The following MARCHF1 variants were observed in gnomAD, a reference collection of about 807,000 sequenced individuals.
MARCHF1 encodes membrane associated ring-CH-type finger 1, also known as E3 ubiquitin-protein ligase MARCHF1.
MARCHF1 carries 40 observed loss-of-function variants against 54.2 expected under a neutral mutation model. The ratio of observed to expected loss-of-function variants is 0.74; its 90% confidence interval spans 0.57 to 0.96. The LOEUF is 0.96. Ranked by LOEUF, MARCHF1 falls within the 40% of genes least tolerant of loss-of-function variation. The probability of loss-of-function intolerance (pLI) is 0.00; values close to 1 mark genes in which losing one functional copy is unlikely to be tolerated. For synonymous variants in MARCHF1, 236 were observed against 236.3 expected (o/e 1.00, Z 0.01); for missense variants, 586 against 656.5 (o/e 0.89, Z 1.17).
At chr4:164,371,308 A>G (rs1435199110) in intron 1 of MARCHF1, among the ~76,000 whole-genome samples, 1 of 152,206 alleles carries the variant, frequency 6.6e-6, no homozygotes, top group African/African-American at 2.4e-5. Context: ...GCTTTAGTAG[A>G]AAACTGAGTG....
intron 1 of MARCHF1, among the ~76,000 whole-genome samples, chr4:164,296,432 G>A (rs1035452080): frequency 2.0e-5 from 3 of 152,174 alleles, no homozygotes; most frequent in African/African-American, 7.2e-5. Context: ...GAGTGCAGTG[G>A]CATGATCTTG....
At chr4:164,046,530 ATC>A (rs1185679623) in intron 2 of MARCHF1, among the ~76,000 whole-genome samples, 2 of 152,208 alleles carry the variant, frequency 1.3e-5, no homozygotes, top group Admixed American at 6.5e-5. Flanking sequence ...TGTAATAATC[ATC>A]TGTTTTACTA....
At chr4:164,022,039 C>T (rs1753677641) in intron 2 of MARCHF1, among the ~76,000 whole-genome samples, 1 of 151,760 alleles carries the variant, frequency 6.6e-6, no homozygotes, top group South Asian at 2.1e-4. Context: ...TCCAGTTATT[C>T]CCTCCTATTC....
At chr4:164,072,436 C>G (rs1754887055) in intron 2 of MARCHF1, among the ~76,000 whole-genome samples, 1 of 152,040 alleles carries the variant, frequency 6.6e-6, no homozygotes, top group Non-Finnish European at 1.5e-5. Flanking sequence ...TGGTGTGTGT[C>G]TGCGGTCCCA....
intron 2 of MARCHF1, among the ~76,000 whole-genome samples, chr4:164,021,611 G>T (rs1385605382): frequency 1.3e-5 from 2 of 151,912 alleles, no homozygotes; most frequent in African/African-American, 2.4e-5. Context: ...TCTTATAGAA[G>T]TTTTATCATT....
At chr4:163,558,585 G>A (rs1041967921) in intron 8 of MARCHF1, among the ~76,000 whole-genome samples, 2 of 152,200 alleles carry the variant, frequency 1.3e-5, no homozygotes, top group African/African-American at 2.4e-5. Flanking sequence ...GGGACAGCCC[G>A]TATAGAGAGA....
chr4:164,301,008 A>T (rs1235025061), intron 1 of MARCHF1, among the ~76,000 whole-genome samples: 2 of 35,786 alleles, frequency 5.6e-5, no homozygotes, highest in Admixed American at 3.0e-4. Flanking sequence ...ACAAACACAC[A>T]GCATGTTTAG....
intron 5 of MARCHF1, among the ~76,000 whole-genome samples, chr4:163,620,992 A>G (rs1741676595): frequency 6.6e-6 from 1 of 152,222 alleles, no homozygotes. Flanking sequence ...CCACTATTTA[A>G]GTGATAAACT....
At chr4:164,299,805 T>C (rs1020417727) in intron 1 of MARCHF1, among the ~76,000 whole-genome samples, 1 of 152,138 alleles carries the variant, frequency 6.6e-6, no homozygotes, top group African/African-American at 2.4e-5. Context: ...GGCACTAATA[T>C]AAAAACAGGT....
intron 1 of MARCHF1, among the ~76,000 whole-genome samples, chr4:164,205,622 T>C (rs570070073): frequency 1.2e-4 from 18 of 152,326 alleles, no homozygotes; most frequent in South Asian, 6.2e-4. Context: ...AGTGATAGTA[T>C]GAAGATGTAA....
At chr4:163,995,200 G>T (rs1474185197) in intron 2 of MARCHF1, among the ~76,000 whole-genome samples, 1 of 152,064 alleles carries the variant, frequency 6.6e-6, no homozygotes, top group South Asian at 2.1e-4. Flanking sequence ...CAATGAGTTT[G>T]CTAGAGAGGC....
chr4:163,602,274 G>C (rs189125975), intron 7 of MARCHF1, among the ~76,000 whole-genome samples: 13 of 152,088 alleles, frequency 8.5e-5, no homozygotes, highest in Admixed American at 8.5e-4. Flanking sequence ...CAGTACCATA[G>C]GGTATATCTG....
At chr4:163,593,400 A>G (rs1431507152) in intron 7 of MARCHF1, among the ~76,000 whole-genome samples, 2 of 152,204 alleles carry the variant, frequency 1.3e-5, no homozygotes, top group African/African-American at 4.8e-5. Context: ...ATAAAAACTC[A>G]TTTGGCTTTA....
At chr4:164,351,464 G>T (rs553863286) in intron 1 of MARCHF1, among the ~76,000 whole-genome samples, 21 of 151,186 alleles carry the variant, frequency 1.4e-4, no homozygotes, top group Admixed American at 1.1e-3. Flanking sequence ...CCTGACCCCC[G>T]AGCAGCCTAA....
chr4:164,367,325 T>C (rs764713657), intron 1 of MARCHF1, among the ~76,000 whole-genome samples: 12 of 152,158 alleles, frequency 7.9e-5, no homozygotes, highest in Non-Finnish European at 1.3e-4. Flanking sequence ...AGGTTAAATA[T>C]GTATTTATCC....
intron 8 of MARCHF1, among the ~76,000 whole-genome samples, chr4:163,576,117 G>A (rs773983419): frequency 5.9e-5 from 9 of 151,708 alleles, no homozygotes; most frequent in Non-Finnish European, 1.2e-4. Context: ...TCTAGTTTCT[G>A]TAGGTGTGAT....
At chr4:163,530,358 ATTTTG>A (rs1371012578) in intron 9 of MARCHF1, 2 of 151,982 alleles carry the variant, frequency 1.3e-5, no homozygotes, top group Non-Finnish European at 2.9e-5. Flanking sequence ...ATGTGATAAG[ATTTTG>A]TTTTTTCTCC....
chr4:163,606,633 G>T (rs1324228277), intron 7 of MARCHF1, among the ~76,000 whole-genome samples: 3 of 151,954 alleles, frequency 2.0e-5, no homozygotes, highest in Non-Finnish European at 1.5e-5. Flanking sequence ...CATTTAAGAG[G>T]GGAAGAACTA....
At chr4:163,819,058 T>A (rs960882655) in intron 4 of MARCHF1, among the ~76,000 whole-genome samples, 5 of 152,082 alleles carry the variant, frequency 3.3e-5, no homozygotes, top group African/African-American at 1.2e-4. Context: ...CCTCCATATC[T>A]CCAATGCTCT....
Sources: gnomAD v4.1 joint callset for allele counts (sites outside exome capture counted in the v4.1 genomes callset) on GRCh38, gnomAD v4.1.1 for gene constraint, MANE v1.5 for transcripts, NCBI Gene and HGNC (gene_info 2026-07-23, HGNC 2026-07-21) for gene names.